Variants in BRINP1 observed in about 807,000 individuals in gnomAD.
BRINP1 encodes BMP/retinoic acid-inducible neural-specific protein 1.
Under a neutral mutation model 72.9 loss-of-function variants are expected in BRINP1, and 17 were observed. The observed-to-expected ratio is 0.23, with a 90% CI of 0.16 to 0.35. The LOEUF (loss-of-function observed/expected upper bound fraction) is 0.35, where lower values mean the gene tolerates loss of function less well. Ranked by LOEUF, BRINP1 falls within the 10% of genes least tolerant of loss-of-function variation. BRINP1 has a pLI of 1.00. For missense variants in BRINP1, 850 were observed against 1,001.6 expected, an observed-to-expected ratio of 0.85 and a Z score of 2.04; for synonymous variants, 418 against 378.5, an observed-to-expected ratio of 1.10 and a Z score of -1.21.
intron 2 of BRINP1, among the ~76,000 whole-genome samples, chr9:119,302,186 A>G (rs989533676): frequency 6.6e-6 from 1 of 152,216 alleles, no homozygotes; most frequent in Non-Finnish European, 1.5e-5. Context: ...CAGTTTCAAC[A>G]TTAGAACACA....
intron 1 of BRINP1, among the ~76,000 whole-genome samples, chr9:119,338,606 C>T (rs1375364939): frequency 6.6e-6 from 1 of 151,394 alleles, no homozygotes; most frequent in Non-Finnish European, 1.5e-5. Context: ...GGCGCGGTGG[C>T]TCACGCCTGT....
chr9:119,320,699 A>G (rs1295201555), intron 1 of BRINP1, among the ~76,000 whole-genome samples: 1 of 152,198 alleles, frequency 6.6e-6, no homozygotes, highest in African/African-American at 2.4e-5. Flanking sequence ...AAGCAATGTC[A>G]GTGGAAGAAA....
intron 2 of BRINP1, among the ~76,000 whole-genome samples, chr9:119,277,376 T>C (rs746484619): frequency 1.3e-4 from 20 of 152,174 alleles, no homozygotes; most frequent in Non-Finnish European, 2.5e-4. Flanking sequence ...TAGGGGCTCA[T>C]AGAAGTTGAA....
At chr9:119,291,587 A>C (rs1588193741) in intron 2 of BRINP1, among the ~76,000 whole-genome samples, 2 of 152,210 alleles carry the variant, frequency 1.3e-5, no homozygotes, top group African/African-American at 2.4e-5. Context: ...GGTTCTGTAC[A>C]TATGTTTACA....
chr9:119,222,187 A>G (rs1288988356), intron 5 of BRINP1, among the ~76,000 whole-genome samples: 2 of 152,152 alleles, frequency 1.3e-5, no homozygotes, highest in South Asian at 2.1e-4. Flanking sequence ...GCAGAATCAC[A>G]GTAGTACTGT....
At chr9:119,251,974 C>T (rs1830393842) in intron 2 of BRINP1, among the ~76,000 whole-genome samples, 1 of 151,992 alleles carries the variant, frequency 6.6e-6, no homozygotes. Context: ...TTCTCTAAGT[C>T]CCTCTATGTC....
chr9:119,256,869 T>G (rs113407947), intron 2 of BRINP1, among the ~76,000 whole-genome samples: 1 of 152,232 alleles, frequency 6.6e-6, no homozygotes, highest in Non-Finnish European at 1.5e-5. Flanking sequence ...TTTACTCTTC[T>G]CATGCATGTT....
intron 7 of BRINP1, among the ~76,000 whole-genome samples, chr9:119,175,099 CTAAAACTTAAAG>C (rs1013358966): frequency 8.6e-6 from 1 of 116,032 alleles, no homozygotes; most frequent in African/African-American, 4.2e-5. Flanking sequence ...CACATGTACC[CTAAAACTTAAAG>C]TAAAGTATAA....
rs111919659 is a variant in BRINP1 at position 119,356,423 on chromosome 9, T to C, written c.-51+12633A>G. 2.8e-3 allele frequency among the ~76,000 whole-genome samples: 428 copies of C among 152,298 alleles called. 1 individual carries two copies. The highest frequency in any genetic ancestry group is 9.2e-3 in the African/African-American group (384 of 41,552). On this transcript the variant is annotated intron_variant, in intron 1 of 7. Transcript: ENST00000265922. ...TCTTCTCAATTAAATGTCAGCTCTA[T>C]GGTGGTAAGAACTTGGTCAGTTTGA...
intron 4 of BRINP1, among the ~76,000 whole-genome samples, chr9:119,240,356 T>G (rs1253662003): frequency 6.6e-6 from 1 of 152,124 alleles, no homozygotes; most frequent in Non-Finnish European, 1.5e-5. Flanking sequence ...AGAAATGGCA[T>G]GAAAAATCCA....
intron 4 of BRINP1, among the ~76,000 whole-genome samples, chr9:119,241,050 T>A (rs1830243231): frequency 6.6e-6 from 1 of 152,214 alleles, no homozygotes; most frequent in Non-Finnish European, 1.5e-5. Context: ...TCTGAATTTG[T>A]TGTGTTTAAA....
At chr9:119,356,800 G>A (rs1886367) in intron 1 of BRINP1, among the ~76,000 whole-genome samples, 31,083 of 133,430 alleles carry the variant, frequency 0.23, 4,081 homozygotes, top group Non-Finnish European at 0.33. Flanking sequence ...GTGAGGCTCC[G>A]TCTCAAAAAA....
chr9:119,276,134 C>T (rs1274486130), intron 2 of BRINP1, among the ~76,000 whole-genome samples: 8 of 152,136 alleles, frequency 5.3e-5, no homozygotes, highest in South Asian at 2.1e-4. Context: ...TACTTGAGGA[C>T]TCATTTTCCT....
At chr9:119,182,537 T>C (rs1829569050) in intron 7 of BRINP1, among the ~76,000 whole-genome samples, 4 of 152,168 alleles carry the variant, frequency 2.6e-5, no homozygotes, top group African/African-American at 9.7e-5. Context: ...GCGAGCTAAT[T>C]AGGTCATGAA....
Position 119,236,221 on chromosome 9 carries a change from C to CA in BRINP1, c.685+2433dup, listed in dbSNP as rs531804468. On this transcript the variant is annotated intron_variant, in intron 5 of 7. Coordinates refer to ENST00000265922, the MANE Select transcript of BRINP1 (RefSeq NM_014618.3). ...AACATCCCTCCTGGAGTGTGATGCTCAAACACGGATCCAATCCTCCAGGTG... is the reference window on the plus strand; with the variant it reads ...AACATCCCTCCTGGAGTGTGATGCTCAAAACACGGATCCAATCCTCCAGGTG... Among the ~76,000 whole-genome samples the CA allele has an allele frequency of 1.1e-4, 16 of 152,278 alleles. No homozygotes were observed. The East Asian group carries it at 3.1e-3, about 29-fold the overall frequency.
intron 1 of BRINP1, among the ~76,000 whole-genome samples, chr9:119,321,702 C>G (rs544254856): frequency 6.6e-6 from 1 of 151,746 alleles, no homozygotes; most frequent in South Asian, 2.1e-4. Context: ...CCATCCTCCC[C>G]CCTTGGCCTC....
At chr9:119,279,702 C>CATATCAATT (rs1439246851) in intron 2 of BRINP1, among the ~76,000 whole-genome samples, 1 of 152,122 alleles carries the variant, frequency 6.6e-6, no homozygotes, top group Non-Finnish European at 1.5e-5. Flanking sequence ...TCATAATTAG[C>CATATCAATT]ATATCAATTC....
intron 2 of BRINP1, among the ~76,000 whole-genome samples, chr9:119,298,780 A>G (rs1180644839): frequency 2.0e-5 from 3 of 152,136 alleles, no homozygotes; most frequent in Non-Finnish European, 4.4e-5. Flanking sequence ...AGTCTATCAC[A>G]ACACCAGCTT....
intron 1 of BRINP1, among the ~76,000 whole-genome samples, chr9:119,346,566 G>A (rs920869781): frequency 5.3e-5 from 8 of 152,094 alleles, no homozygotes; most frequent in Non-Finnish European, 7.4e-5. Flanking sequence ...GCACTTAAGA[G>A]CCATCAGCCT....
Sources: gnomAD v4.1 joint callset for allele counts (sites outside exome capture counted in the v4.1 genomes callset) on GRCh38, gnomAD v4.1.1 for gene constraint, MANE v1.5 for transcripts, NCBI Gene and HGNC (gene_info 2026-07-23, HGNC 2026-07-21) for gene names.